FAT1: variants seen among roughly 807,000 people sequenced by gnomAD.
FAT1 encodes the protein FAT atypical cadherin 1, also known as protocadherin Fat 1.
A neutral mutation model predicts 329.8 loss-of-function variants in FAT1; 171 were observed. That is an observed-to-expected ratio of 0.52 (90% confidence interval 0.46 to 0.59). FAT1 has a LOEUF of 0.59. Ranked by LOEUF, FAT1 falls within the 20% of genes least tolerant of loss-of-function variation. The pLI is 0.00. For missense variants in FAT1, 5,672 were observed against 5,774.4 expected, an observed-to-expected ratio of 0.98 and a Z score of 0.57; for synonymous variants, 2,233 against 2,228.6, an observed-to-expected ratio of 1.00 and a Z score of -0.06.
At position 186,609,883 on chromosome 4, in the gene FAT1, T is replaced by C; in HGVS notation, c.9986A>G (p.Asn3329Ser). The C allele has an allele frequency of 1.2e-6, 2 of 1,613,504 alleles. No individual in the cohort carries two copies. Among genetic ancestry groups the C allele is most frequent in the Non-Finnish European group, 1.7e-6 (2 of 1,179,562 alleles). The change falls in exon 15 of 27, where the codon AAC (asparagine) becomes AGC (serine). Residue 3329 changes from asparagine to serine, a missense_variant. Asn to Ser is a conservative substitution (Grantham distance 46, BLOSUM62 1). Around this residue, in one of 2 missense-constraint regions of FAT1, gnomAD observed 1,706 missense variants for 1,859.1 expected, o/e 0.92. Coordinates refer to ENST00000441802, the MANE Select transcript of FAT1 (RefSeq NM_005245.4). ...ATVNVNVTDI[N>S]DNTPVFSQDT... Reference sequence around the variant, plus strand: ...TTGGCTGAACACAGGGGTATTATCGTTGATATCTGTTACATTAACGTTCAC... The same window carrying C: ...TTGGCTGAACACAGGGGTATTATCGCTGATATCTGTTACATTAACGTTCAC...
chr4:186,721,588 C>T (rs1033983928), intron 1 of FAT1, among the ~76,000 whole-genome samples: 8 of 152,224 alleles, frequency 5.3e-5, no homozygotes, highest in African/African-American at 1.9e-4. Context: ...ACAAATTATG[C>T]CACTGAGACA....
intron 4 of FAT1, among the ~76,000 whole-genome samples, chr4:186,638,634 CACACACACACAT>C (rs1159694771): frequency 4.1e-5 from 6 of 145,664 alleles, no homozygotes; most frequent in Non-Finnish European, 4.7e-5. Flanking sequence ...CACACACACA[CACACACACACAT>C]ACACTGCACA....
chr4:186,605,582 ATGG>A (rs1739088402), intron 17 of FAT1, among the ~76,000 whole-genome samples: 1 of 54,658 alleles, frequency 1.8e-5, no homozygotes, highest in Non-Finnish European at 3.4e-5. Context: ...GGGGGGAGGA[ATGG>A]GAGGGAGGAG....
Position 186,709,607 on chromosome 4 carries a change from A to AT in FAT1, c.220dup (p.Ile74AsnfsTer7). On this transcript the variant is annotated frameshift_variant, in exon 2 of 27. Coordinates refer to ENST00000441802, the MANE Select transcript of FAT1 (RefSeq NM_005245.4). LOFTEE classifies it high-confidence loss of function. ...CAGGTTTTCACTGTCTCCGGAAACA[A>AT]TTTTGTACCTTACTTCCCACGCTGG... 6.2e-7 allele frequency: 1 copy of AT among 1,613,958 alleles called. No individual in the cohort carries two copies. The highest frequency in any genetic ancestry group is 1.1e-5 in the South Asian group (1 of 91,070).
chr4:186,616,545 C>T (rs1361609081), intron 11 of FAT1, among the ~76,000 whole-genome samples: 3 of 152,092 alleles, frequency 2.0e-5, no homozygotes, highest in East Asian at 1.9e-4. Flanking sequence ...GCCCTTCCTA[C>T]GTCTACTTTT....
intron 17 of FAT1, among the ~76,000 whole-genome samples, chr4:186,604,972 A>G (rs960933754): frequency 6.6e-6 from 1 of 151,968 alleles, no homozygotes; most frequent in Non-Finnish European, 1.5e-5. Context: ...TCATCCCAGC[A>G]CTTTGGGAGG....
chr4:186,688,243 C>G (rs972954504), intron 2 of FAT1, among the ~76,000 whole-genome samples: 1 of 151,860 alleles, frequency 6.6e-6, no homozygotes, highest in East Asian at 1.9e-4. Flanking sequence ...AACAGAGGCA[C>G]CCACAGAGAT....
intron 2 of FAT1, among the ~76,000 whole-genome samples, chr4:186,672,024 A>G (rs1002977695): frequency 2.6e-5 from 4 of 152,170 alleles, no homozygotes; most frequent in African/African-American, 9.7e-5. Context: ...TAAAATCAAC[A>G]TTTGTTACTT....
intron 3 of FAT1, among the ~76,000 whole-genome samples, chr4:186,660,243 C>T (rs1269359115): frequency 1.3e-5 from 2 of 152,248 alleles, no homozygotes; most frequent in African/African-American, 2.4e-5. Context: ...TACCTGGGAA[C>T]AGTCTGCTTT....
At chr4:186,627,761 C>T (rs1445334838) in intron 9 of FAT1, among the ~76,000 whole-genome samples, 1 of 152,160 alleles carries the variant, frequency 6.6e-6, no homozygotes, top group South Asian at 2.1e-4. Flanking sequence ...AGAAAATACT[C>T]TCTGACAAAA....
upstream of FAT1, among the ~76,000 whole-genome samples, chr4:186,725,271 C>G (rs767539849): frequency 2.6e-5 from 4 of 152,098 alleles, no homozygotes; most frequent in Non-Finnish European, 5.9e-5. The surrounding 1 kb of genome is among the most constrained non-coding windows in gnomAD (Gnocchi z 5.4). Context: ...AATTGTAAAT[C>G]TCAGCAAAAC....
At chr4:186,699,548 A>G (rs1744201284) in intron 2 of FAT1, among the ~76,000 whole-genome samples, 1 of 152,244 alleles carries the variant, frequency 6.6e-6, no homozygotes, top group Non-Finnish European at 1.5e-5. Context: ...AGAACTGCCA[A>G]TTCAACAAGT....
At chr4:186,691,270 GCT>G in intron 2 of FAT1, among the ~76,000 whole-genome samples, 1 of 152,188 alleles carries the variant, frequency 6.6e-6, no homozygotes, top group African/African-American at 2.4e-5. Context: ...AGTACACCGT[GCT>G]GATTAGGTGC....
At position 186,707,130 on chromosome 4, in the gene FAT1, G is replaced by C. The variant is rs753346793; in HGVS notation, c.2698C>G (p.Gln900Glu). 4.3e-6 allele frequency: 7 copies of C among 1,613,914 alleles called. No individual in the cohort carries two copies. In the Admixed American group the frequency reaches 8.3e-5, roughly 19 times the overall value. Residue 900 changes from glutamine to glutamate, a missense_variant, in exon 2 of 27, where the codon CAA becomes GAA. Coordinates refer to ENST00000441802, the MANE Select transcript of FAT1 (RefSeq NM_005245.4). ...AACAGCTGAGGCTCTTCTCTGGCTT[G>C]GTCCCTGGCCTCAATCTTTAAGGAG... ...EHSLKIEARD[Q>E]AREEPQLFST...
chr4:186,608,011 C>T (rs1189295184), intron 16 of FAT1, among the ~76,000 whole-genome samples: 1 of 152,182 alleles, frequency 6.6e-6, no homozygotes, highest in Non-Finnish European at 1.5e-5. Context: ...TAAAAACCAG[C>T]ATATTGAAAA....
chr4:186,706,529 GGGCATCAAAT>G (rs1744606553), intron 2 of FAT1, 24 bp downstream of exon 2: 1 of 1,534,614 alleles, frequency 6.5e-7, no homozygotes, highest in Admixed American at 2.2e-5. Flanking sequence ...AAATGGAAAA[GGGCATCAAAT>G]GAGAGCAATA....
At chr4:186,700,429 T>C (rs1744250726) in intron 2 of FAT1, among the ~76,000 whole-genome samples, 1 of 152,208 alleles carries the variant, frequency 6.6e-6, no homozygotes, top group Non-Finnish European at 1.5e-5. Flanking sequence ...CTTGACTTGC[T>C]GACTGCCACC....
chr4:186,628,591 G>T lies in FAT1; in HGVS notation c.4496C>A (p.Pro1499Gln). The part of the protein sequence containing the change: ...LIYTLQSSRD[P>Q]LSLKKFRLDP... The stretch of plus-strand genomic sequence containing the variant: ...AAGACGAAATTTCTTGAGACTCAGT[G>T]GATCTCTACTGCTCTGCAGAGTGTA... Residue 1499 changes from proline (P) to glutamine (Q), a missense_variant, in exon 8 of 27, where the codon CCA becomes CAA. By Grantham distance (76) the Pro-to-Gln change is moderately conservative. Around this residue, in one of 2 missense-constraint regions of FAT1, gnomAD observed 3,966 missense variants for 3,915.2 expected, o/e 1.01. Coordinates refer to ENST00000441802, the MANE Select transcript of FAT1 (RefSeq NM_005245.4). The T allele has an allele frequency of 6.2e-7, 1 of 1,613,950 alleles. No individual in the cohort carries two copies. The highest frequency in any genetic ancestry group is 1.1e-5 in the South Asian group (1 of 91,080).
intron 3 of FAT1, among the ~76,000 whole-genome samples, chr4:186,657,545 T>G (rs1741960158): frequency 6.6e-6 from 1 of 152,152 alleles, no homozygotes; most frequent in African/African-American, 2.4e-5. Context: ...ATGATGGGTG[T>G]GGTCACTGCC....
Sources: allele counts gnomAD v4.1 joint callset (sites outside exome capture counted in the v4.1 genomes callset), GRCh38; gene constraint gnomAD v4.1.1; regional missense constraint gnomAD v4.1.1; non-coding constraint Gnocchi (gnomAD v3.1); transcripts MANE v1.5; gene names NCBI Gene and HGNC (gene_info 2026-07-23, HGNC 2026-07-21).